CRK: variants seen among roughly 807,000 people sequenced by gnomAD.
CRK encodes adapter molecule crk.
Under a neutral mutation model 29.8 loss-of-function variants are expected in CRK, and 4 were observed. The ratio of observed to expected loss-of-function variants is 0.13; its 90% CI spans 0.07 to 0.31. The LOEUF (loss-of-function observed/expected upper bound fraction) is 0.31. Among genes scored for constraint, CRK ranks in the 10% least tolerant of loss-of-function variants. The pLI is 1.00. For synonymous variants in CRK, 153 were observed against 164.9 expected, an observed-to-expected ratio of 0.93 and a Z score of 0.55; for missense variants, 274 against 396.5, an observed-to-expected ratio of 0.69 and a Z score of 2.62.
rs930429978 is a variant in CRK, at chr17:1,421,331, T to C, written c.*2182A>G. ...AACATTCAAATCAGTTGTGACAAGG[T>C]TTTTCTACAAGTATTTTTGATGCCA... On this transcript the variant is annotated 3_prime_UTR_variant, in exon 3 of 3. Transcript: ENST00000300574. 6 of 152,226 alleles carry C rather than the reference T, an allele frequency of 3.9e-5. No homozygotes were observed. Among genetic ancestry groups the C allele is most frequent in the East Asian group, 1.9e-4 (1 of 5,202 alleles). The allele number at this position is 152,226 out of a possible 1,614,324, so 9.4% of individuals were successfully genotyped here. A position where few individuals can be genotyped will look rare whatever the true frequency, so the allele number is the denominator to read the frequency against.
chr17:1,444,606 A>G lies in CRK; in HGVS notation c.242-7451T>C, dbSNP rs1455827188. Among the ~76,000 whole-genome samples, 118 of 101,794 alleles carry G rather than the reference A, an allele frequency of 1.2e-3. 3 individuals carry two copies. The highest frequency in any genetic ancestry group is 3.6e-3 in the South Asian group (10 of 2,778). The allele number at this position is 101,794 out of a possible 152,430, so 66.8% of individuals were successfully genotyped here. A position where few individuals can be genotyped will look rare whatever the true frequency, so the allele number is the denominator to read the frequency against. ...TTGGGAAGCCGAAGCGGGGGGGGGGATCACCTGAGATCGGGAGTTCGAGAG... is the reference window on the plus strand; with the variant it reads ...TTGGGAAGCCGAAGCGGGGGGGGGGGTCACCTGAGATCGGGAGTTCGAGAG... On this transcript the variant is annotated intron_variant, in intron 1 of 2. Coordinates refer to ENST00000300574, the MANE Select transcript of CRK (RefSeq NM_016823.4).
At chr17:1,442,984 CT>C (rs34493870) in intron 1 of CRK, among the ~76,000 whole-genome samples, 72 of 140,060 alleles carry the variant, frequency 5.1e-4, no homozygotes, top group Middle Eastern at 3.4e-3. Context: ...CCCTTTCTTT[CT>C]TTTTTTTTTT....
At chr17:1,433,151 G>A (rs565871513) in intron 2 of CRK, among the ~76,000 whole-genome samples, 2 of 152,298 alleles carry the variant, frequency 1.3e-5, no homozygotes, top group Admixed American at 1.3e-4. Context: ...TGATCAATGC[G>A]TTCCAGAGAT....
intron 1 of CRK, among the ~76,000 whole-genome samples, chr17:1,443,775 A>T (rs1029287606): frequency 8.1e-6 from 1 of 124,206 alleles, no homozygotes; most frequent in African/African-American, 3.1e-5. Flanking sequence ...TCTCGGCTCA[A>T]TGCAACCTCT....
intron 2 of CRK, among the ~76,000 whole-genome samples, chr17:1,431,634 C>T (rs562506048): frequency 7.0e-4 from 107 of 152,138 alleles, no homozygotes; most frequent in Non-Finnish European, 1.2e-3. Context: ...GTCGCCTAGC[C>T]TGGACTGCAG....
At chr17:1,427,107 T>C (rs1195807169) in intron 2 of CRK, among the ~76,000 whole-genome samples, 3 of 75,986 alleles carry the variant, frequency 3.9e-5, no homozygotes, top group Admixed American at 1.5e-4. Flanking sequence ...TAGGCAACAA[T>C]AGCAAGACTG....
At chr17:1,446,660 C>A (rs540619099) in intron 1 of CRK, among the ~76,000 whole-genome samples, 1 of 144,844 alleles carries the variant, frequency 6.9e-6, no homozygotes, top group Admixed American at 7.4e-5. Context: ...GGCGCCATCT[C>A]GGCTCACTGC....
rs2073722110 is a variant in CRK at position 1,421,293 on chromosome 17, AAAAG to A, written c.*2216_*2219del. ...TACAAGCCAATATCAAAGTCAAAGG[AAAAG>A]AAAATAGGAACATTCAAATCAGTTG... On this transcript the variant is annotated 3_prime_UTR_variant, in exon 3 of 3. Transcript: ENST00000300574. 4.4e-5 allele frequency: 2 copies of A among 45,820 alleles called. No homozygotes were observed. Among genetic ancestry groups the A allele is most frequent in the Non-Finnish European group, 1.4e-4 (2 of 14,324 alleles). The allele number at this position is 45,820 out of a possible 1,614,324, so 2.8% of individuals were successfully genotyped here. A position where few individuals can be genotyped will look rare whatever the true frequency, so the allele number is the denominator to read the frequency against.
chr17:1,431,232 A>T (rs956759773), intron 2 of CRK, among the ~76,000 whole-genome samples: 1 of 152,148 alleles, frequency 6.6e-6, no homozygotes, highest in South Asian at 2.1e-4. Flanking sequence ...TTAGGTCTTT[A>T]ACAGTCTGGA....
At chr17:1,452,453 C>G (rs76225067) in intron 1 of CRK, among the ~76,000 whole-genome samples, 2,546 of 152,252 alleles carry the variant, frequency 0.017, 74 homozygotes, top group African/African-American at 0.058. Context: ...AGATTCAGTA[C>G]TTAGTACTTG....
At position 1,436,916 on chromosome 17, in the gene CRK, T is replaced by C. The variant is rs187208794; in HGVS notation, c.481A>G (p.Ile161Val). The change falls in exon 2 of 3, where the codon ATC becomes GTC. Residue 161 changes from isoleucine to valine, a missense_variant. Physicochemically the swap from Ile to Val is conservative, Grantham distance 29. This residue lies in a region of CRK where 18 missense variants were observed against 61.3 expected (regional missense o/e 0.29). Transcript: ENST00000300574. ...LPFKKGDILR[I>V]RDKPEEQWWN... ...CACTGCTCTTCAGGCTTGTCCCGGA[T>C]TCTCAAGATGTCTCCTTTCTTAAAG... is the stretch of plus-strand genomic sequence containing the variant. 1 of 1,614,176 alleles carries C rather than the reference T, an allele frequency of 6.2e-7. No individual in the cohort carries two copies. Among genetic ancestry groups the C allele is most frequent in the African/African-American group, 1.3e-5 (1 of 75,060 alleles).
chr17:1,452,061 C>A (rs1026377098), intron 1 of CRK, among the ~76,000 whole-genome samples: 1 of 152,118 alleles, frequency 6.6e-6, no homozygotes, highest in African/African-American at 2.4e-5. Context: ...ATTGAGGATA[C>A]GGACCTCTAT....
chr17:1,452,613 C>T (rs1049119370), intron 1 of CRK, among the ~76,000 whole-genome samples: 45 of 152,006 alleles, frequency 3.0e-4, no homozygotes, highest in African/African-American at 1.1e-3. Context: ...CATGGTGAAA[C>T]CCCATCTCTA....
At chr17:1,432,207 G>A (rs2073849965) in intron 2 of CRK, among the ~76,000 whole-genome samples, 2 of 152,128 alleles carry the variant, frequency 1.3e-5, no homozygotes, top group Admixed American at 6.6e-5. Context: ...AGACAACATA[G>A]GCCAGGCGGG....
At chr17:1,448,578 A>AGTCG in intron 1 of CRK, among the ~76,000 whole-genome samples, 1 of 138,228 alleles carries the variant, frequency 7.2e-6, no homozygotes, top group Admixed American at 8.0e-5. Context: ...AGCCGAGAAT[A>AGTCG]TGCCATTGCA....
At chr17:1,429,639 A>G (rs2073818076) in intron 2 of CRK, among the ~76,000 whole-genome samples, 1 of 152,018 alleles carries the variant, frequency 6.6e-6, no homozygotes, top group South Asian at 2.1e-4. Context: ...AAAAAAAAAA[A>G]AAGAGGCCAG....
Position 1,421,723 on chromosome 17 carries a change from G to C in CRK, c.*1790C>G, listed in dbSNP as rs2073726767. 2.0e-5 allele frequency: 3 copies of C among 152,088 alleles called. No individual in the cohort carries two copies. The highest frequency in any genetic ancestry group is 7.2e-5 in the African/African-American group (3 of 41,398). 9.4% of individuals were successfully genotyped at this position (152,088 alleles called of 1,614,324 possible). A position where few individuals can be genotyped will look rare whatever the true frequency, so the allele number is the denominator to read the frequency against. ...ACACTGACTGTGTGTCAGACAGTGT[G>C]CCGGTCACTCGGACACCACAATCTG... On this transcript the variant is annotated 3_prime_UTR_variant, in exon 3 of 3. Coordinates refer to ENST00000300574, the MANE Select transcript of CRK (RefSeq NM_016823.4).
intron 1 of CRK, among the ~76,000 whole-genome samples, chr17:1,442,857 T>G (rs918343457): frequency 4.6e-5 from 7 of 151,926 alleles, no homozygotes; most frequent in Admixed American, 4.6e-4. Context: ...TCTGACCGCC[T>G]TGGCCTCCAA....
intron 1 of CRK, among the ~76,000 whole-genome samples, chr17:1,445,455 C>T (rs994030052): frequency 6.6e-6 from 1 of 152,184 alleles, no homozygotes; most frequent in African/African-American, 2.4e-5. Flanking sequence ...GCAAACACTC[C>T]TCATGCACCA....
Sources: gnomAD v4.1 joint callset for allele counts (sites outside exome capture counted in the v4.1 genomes callset) on GRCh38, gnomAD v4.1.1 for gene constraint, gnomAD v4.1.1 regional missense constraint, MANE v1.5 for transcripts, NCBI Gene and HGNC (gene_info 2026-07-23, HGNC 2026-07-21) for gene names.